The following OSBPL8 variants were observed in gnomAD, a reference collection of about 807,000 sequenced individuals.
OSBPL8 encodes the protein oxysterol binding protein like 8.
In OSBPL8, 59 loss-of-function variants were observed where a neutral mutation model predicts 125.5. The ratio of observed to expected loss-of-function variants is 0.47; its 90% confidence interval spans 0.38 to 0.58. The LOEUF is 0.58. Ranked by LOEUF, OSBPL8 falls within the 20% of genes least tolerant of loss-of-function variation. OSBPL8 has a pLI of 0.00. For missense variants in OSBPL8, 758 were observed against 1,047.8 expected, an observed-to-expected ratio of 0.72 and a Z score of 3.82; for synonymous variants, 330 against 338.9, an observed-to-expected ratio of 0.97 and a Z score of 0.29.
At chr12:76,371,203 T>C in intron 19 of OSBPL8, 1 of 307,122 alleles carries the variant, frequency 3.3e-6, no homozygotes. Context: ...TCTTTCTTTT[T>C]TTTTAAGGTG....
At chr12:76,384,806 T>G (rs987605070) in intron 14 of OSBPL8, among the ~76,000 whole-genome samples, 1 of 152,136 alleles carries the variant, frequency 6.6e-6, no homozygotes, top group Non-Finnish European at 1.5e-5. Context: ...TCCAGCCCAG[T>G]CAAGCCTGTA....
At chr12:76,482,010 C>T (rs150030962) in intron 2 of OSBPL8, among the ~76,000 whole-genome samples, 1 of 152,306 alleles carries the variant, frequency 6.6e-6, no homozygotes, top group Non-Finnish European at 1.5e-5. Flanking sequence ...GAAGTTGGAT[C>T]ATCTCTAGGC....
rs578110005 is a variant in OSBPL8 at position 76,551,872 on chromosome 12, G to A, written c.-68+7525C>T. ...CTTAACAAATAAACCCCAGATTTTC[G>A]GTAGCTTCACACAATTAAAATTTCT... is the stretch of plus-strand genomic sequence containing the variant. On this transcript the variant is annotated intron_variant, in intron 1 of 23. Transcript: ENST00000261183. Among the ~76,000 whole-genome samples the A allele has an allele frequency of 1.4e-4, 22 of 152,190 alleles. No individual in the cohort carries two copies. The East Asian group carries it at 3.1e-3, about 21-fold the overall frequency.
At chr12:76,555,608 A>G (rs1951070365) in intron 1 of OSBPL8, among the ~76,000 whole-genome samples, 1 of 152,200 alleles carries the variant, frequency 6.6e-6, no homozygotes, top group Non-Finnish European at 1.5e-5. Context: ...ATATTGAGGT[A>G]TGCACTTTCA....
At chr12:76,414,352 T>C (rs1868359235) in intron 4 of OSBPL8, among the ~76,000 whole-genome samples, 2 of 151,540 alleles carry the variant, frequency 1.3e-5, no homozygotes, top group South Asian at 4.1e-4. Context: ...ATTTTTGATA[T>C]ATTTTTATAT....
At chr12:76,551,073 T>C (rs1565992111) in intron 1 of OSBPL8, among the ~76,000 whole-genome samples, 1 of 151,808 alleles carries the variant, frequency 6.6e-6, no homozygotes, top group South Asian at 2.1e-4. Flanking sequence ...TACAAACATA[T>C]ATATAGTATA....
At chr12:76,395,621 T>C (rs1282185347) in intron 8 of OSBPL8, among the ~76,000 whole-genome samples, 1 of 152,164 alleles carries the variant, frequency 6.6e-6, no homozygotes, top group Non-Finnish European at 1.5e-5. Context: ...TAGTGGGACA[T>C]GGAATCAGAC....
intron 19 of OSBPL8, among the ~76,000 whole-genome samples, chr12:76,370,740 A>T (rs929434489): frequency 1.3e-5 from 2 of 152,210 alleles, no homozygotes; most frequent in Non-Finnish European, 2.9e-5. Flanking sequence ...ATTTGAGTGT[A>T]GAAGGGAAGG....
chr12:76,372,099 G>A (rs779656604), intron 18 of OSBPL8, among the ~76,000 whole-genome samples: 24 of 152,012 alleles, frequency 1.6e-4, no homozygotes, highest in Non-Finnish European at 2.9e-4. Flanking sequence ...GGAGTGCAGC[G>A]GTGCTATCTA....
intron 1 of OSBPL8, among the ~76,000 whole-genome samples, chr12:76,521,604 T>A (rs1023592336): frequency 1.1e-4 from 16 of 152,222 alleles, no homozygotes; most frequent in African/African-American, 3.9e-4. Flanking sequence ...AATGGAATAT[T>A]GTTCAGCCTT....
intron 1 of OSBPL8, among the ~76,000 whole-genome samples, chr12:76,550,640 G>C (rs1424669693): frequency 6.6e-6 from 1 of 152,232 alleles, no homozygotes; most frequent in Non-Finnish European, 1.5e-5. Context: ...ATGAATTTGT[G>C]TTGGGCCGCA....
intron 4 of OSBPL8, among the ~76,000 whole-genome samples, chr12:76,443,862 C>G (rs1380370844): frequency 6.6e-6 from 1 of 151,984 alleles, no homozygotes; most frequent in Non-Finnish European, 1.5e-5. Context: ...TCAAATAAAT[C>G]AAAACAAATA....
intron 4 of OSBPL8, among the ~76,000 whole-genome samples, chr12:76,438,767 G>A (rs1204566164): frequency 6.6e-6 from 1 of 152,054 alleles, no homozygotes; most frequent in African/African-American, 2.4e-5. Context: ...GTGTTAAGTG[G>A]AAATCATAGA....
At chr12:76,537,723 A>AC (rs2137395424) in intron 1 of OSBPL8, among the ~76,000 whole-genome samples, 2 of 152,240 alleles carry the variant, frequency 1.3e-5, no homozygotes, top group South Asian at 4.1e-4. Context: ...AGCCTGGTTA[A>AC]CATGGTAAAA....
intron 1 of OSBPL8, among the ~76,000 whole-genome samples, chr12:76,541,200 C>A (rs1950633876): frequency 6.6e-6 from 1 of 152,140 alleles, no homozygotes; most frequent in South Asian, 2.1e-4. Context: ...TAGATGTGGT[C>A]AGGCGCGGTG....
At chr12:76,455,353 GAC>G (rs1481187628) in intron 3 of OSBPL8, among the ~76,000 whole-genome samples, 4 of 151,936 alleles carry the variant, frequency 2.6e-5, no homozygotes, top group Admixed American at 1.3e-4. Context: ...ATTTACATAT[GAC>G]ACATATTCTT....
chr12:76,403,969 C>A (rs1565868229), intron 5 of OSBPL8, among the ~76,000 whole-genome samples: 1 of 152,166 alleles, frequency 6.6e-6, no homozygotes. Flanking sequence ...TTTCTCTCAT[C>A]TCTCCTAAAA....
chr12:76,437,697 G>A (rs1871638707), intron 4 of OSBPL8, among the ~76,000 whole-genome samples: 1 of 152,122 alleles, frequency 6.6e-6, no homozygotes, highest in Non-Finnish European at 1.5e-5. Context: ...AAATCCTGTT[G>A]AGATATGGAT....
chr12:76,487,885 C>A (rs1403211955), intron 1 of OSBPL8, among the ~76,000 whole-genome samples: 1 of 152,092 alleles, frequency 6.6e-6, no homozygotes, highest in Non-Finnish European at 1.5e-5. Flanking sequence ...CATAAATCTA[C>A]TTACAACTAA....
Sources: gnomAD v4.1 joint callset for allele counts (sites outside exome capture counted in the v4.1 genomes callset) on GRCh38, gnomAD v4.1.1 for gene constraint, MANE v1.5 for transcripts, NCBI Gene and HGNC (gene_info 2026-07-23, HGNC 2026-07-21) for gene names.